The following FAT4 variants were observed in gnomAD, a reference collection of about 807,000 sequenced individuals.
FAT4 encodes the protein protocadherin Fat 4.
A neutral mutation model predicts 303.9 loss-of-function variants in FAT4; 84 were observed. The ratio of observed to expected loss-of-function variants is 0.28; its 90% CI spans 0.23 to 0.33. FAT4 has a LOEUF of 0.33. Among genes scored for constraint, FAT4 ranks in the 10% least tolerant of loss-of-function variants. The probability of loss-of-function intolerance (pLI) is 1.00; values close to 1 mark genes in which losing one functional copy is unlikely to be tolerated. For missense variants in FAT4, 6,005 were observed against 6,146.8 expected, an observed-to-expected ratio of 0.98 and a Z score of 0.77; for synonymous variants, 2,307 against 2,298.8, an observed-to-expected ratio of 1.00 and a Z score of -0.10.
At chr4:125,479,909 T>A (rs756660013) in intron 15 of FAT4, 44 bp downstream of exon 15, 1 of 1,455,048 alleles carries the variant, frequency 6.9e-7, no homozygotes, top group East Asian at 2.3e-5. Flanking sequence ...TTAATAACTA[T>A]GAAAAGTAAA....
At chr4:125,382,147 A>C (rs1477650875) in intron 2 of FAT4, among the ~76,000 whole-genome samples, 1 of 152,194 alleles carries the variant, frequency 6.6e-6, no homozygotes, top group Non-Finnish European at 1.5e-5. Flanking sequence ...ACTCCTGTTG[A>C]CGTTGGTATT....
intron 2 of FAT4, among the ~76,000 whole-genome samples, chr4:125,384,916 C>A (rs572026753): frequency 6.7e-6 from 1 of 150,126 alleles, no homozygotes; most frequent in Admixed American, 6.7e-5. Context: ...TAACACTACT[C>A]AGTAACAAAA....
At chr4:125,325,751 G>A (rs1488568262) in intron 2 of FAT4, among the ~76,000 whole-genome samples, 5 of 152,170 alleles carry the variant, frequency 3.3e-5, no homozygotes, top group East Asian at 1.9e-4. Context: ...CTTTTTAAAT[G>A]AAATAGTTTT....
intron 7 of FAT4, among the ~76,000 whole-genome samples, chr4:125,420,004 C>T (rs1333627563): frequency 6.6e-6 from 1 of 152,190 alleles, no homozygotes; most frequent in African/African-American, 2.4e-5. Flanking sequence ...TTCTATTCTA[C>T]AGCGAGCTGT....
Position 125,490,808 on chromosome 4 carries a change from A to T in FAT4, c.13992A>T (p.Gln4664His), listed in dbSNP as rs1727604276. ...ACAGTCCCCTAGGCTTTGCAAGGCA[A>T]TCCCCCATGCCCTTAGGAGCAAGCA... is the stretch of plus-strand genomic sequence containing the variant. ...QRHSPLGFAR[Q>H]SPMPLGASSL... The change falls in exon 18 of 18, where the codon CAA becomes CAT. Residue 4664 changes from glutamine (Q) to histidine (H), a missense_variant. Transcript: ENST00000394329. 6.2e-7 allele frequency: 1 copy of T among 1,614,150 alleles called. No individual in the cohort carries two copies. Among genetic ancestry groups the T allele is most frequent in the Non-Finnish European group, 8.5e-7 (1 of 1,180,034 alleles).
At chr4:125,443,547 T>C (rs983498491) in intron 8 of FAT4, among the ~76,000 whole-genome samples, 1 of 152,208 alleles carries the variant, frequency 6.6e-6, no homozygotes, top group Non-Finnish European at 1.5e-5. Context: ...TTAGTCTCTG[T>C]TAGATTCAGA....
chr4:125,413,100 A>G (rs1381045613), intron 5 of FAT4, among the ~76,000 whole-genome samples: 1 of 151,838 alleles, frequency 6.6e-6, no homozygotes. Context: ...GTAAATATAT[A>G]TACACACACA....
rs1397199406 is a variant in FAT4 at position 125,320,500 on chromosome 4, T to C, written c.4089T>C (p.Phe1363=). 6.2e-7 allele frequency: 1 copy of C among 1,614,006 alleles called. No individual in the cohort carries two copies. The highest frequency in any genetic ancestry group is 8.5e-7 in the Non-Finnish European group (1 of 1,180,008). ...SITGTNNHGT[F]SISPNTGSIF... is the part of the protein sequence containing the mutation. ...CTGGGACTAACAACCACGGAACTTTTAGCATTAGCCCAAACACTGGGAGTA... is the reference window on the plus strand; with the variant it reads ...CTGGGACTAACAACCACGGAACTTTCAGCATTAGCCCAAACACTGGGAGTA... Residue 1363 remains phenylalanine, a synonymous_variant, in exon 2 of 18, where the codon TTT becomes TTC. Transcript: ENST00000394329.
In FAT4 at chr4:125,448,626, C is replaced by T. The variant is rs761295009; in HGVS notation, c.7616C>T (p.Ser2539Phe). The T allele has an allele frequency of 3.1e-6, 5 of 1,613,910 alleles. No homozygotes were observed. The highest frequency in any genetic ancestry group is 4.2e-6 in the Non-Finnish European group (5 of 1,179,904). The change falls in exon 10 of 18, where the codon TCT (serine) becomes TTT (phenylalanine). Residue 2539 changes from serine (S) to phenylalanine (F), a missense_variant. Coordinates refer to ENST00000394329, the MANE Select transcript of FAT4 (RefSeq NM_001291303.3). The stretch of plus-strand genomic sequence containing the variant: ...AACGGAGCTTCAGAAGTGACATTTT[C>T]TGTGCATGTAAAAGATGGTGGCTCA... ...PLNGASEVTF[S>F]VHVKDGGSFP...
rs763392849 is a variant in FAT4, at chr4:125,487,475, C to G, written c.12953C>G (p.Thr4318Arg). The G allele has an allele frequency of 1.2e-6, 2 of 1,614,068 alleles. No individual in the cohort carries two copies. The highest frequency in any genetic ancestry group is 1.7e-6 in the Non-Finnish European group (2 of 1,179,978). ...CTAATTGGGAAAAATGGAACAGCAA[C>G]AGTATTGTCTGTTGACAGAATATAT... ...TFLIGKNGTA[T>R]VLSVDRIYNR... The change falls in exon 17 of 18, where the codon ACA becomes AGA. Residue 4318 changes from threonine (T) to arginine (R), a missense_variant. Transcript: ENST00000394329.
At chr4:125,402,271 T>C (rs896821200) in intron 3 of FAT4, among the ~76,000 whole-genome samples, 6 of 151,966 alleles carry the variant, frequency 3.9e-5, no homozygotes, top group South Asian at 2.1e-4. Context: ...TTTTTGTTTC[T>C]TTTCTTTACC....
intron 12 of FAT4, among the ~76,000 whole-genome samples, chr4:125,470,040 T>C (rs1276656609): frequency 6.6e-6 from 1 of 152,212 alleles, no homozygotes; most frequent in Non-Finnish European, 1.5e-5. Flanking sequence ...CTGGATGCTG[T>C]GTTAGCAAGC....
chr4:125,466,777 C>A lies in FAT4; in HGVS notation c.11906-1735C>A, dbSNP rs1364759447. Reference sequence around the variant, plus strand: ...AAAAATTAAAAATTATGTATAATTTCTTTTTTTTTTTTTTTGAGACGGAGT... The same window carrying A: ...AAAAATTAAAAATTATGTATAATTTATTTTTTTTTTTTTTTGAGACGGAGT... On this transcript the variant is annotated intron_variant, in intron 11 of 17. Coordinates refer to ENST00000394329, the MANE Select transcript of FAT4 (RefSeq NM_001291303.3). 1.2e-4 allele frequency among the ~76,000 whole-genome samples: 17 copies of A among 139,592 alleles called. No homozygotes were observed. In the Admixed American group the frequency reaches 1.2e-3, roughly 10 times the overall value. The allele number at this position is 139,592 out of a possible 152,430, so 91.6% of individuals were successfully genotyped here.
chr4:125,450,133 G>A lies in FAT4; in HGVS notation c.9123G>A (p.Gly3041=). The change falls in exon 10 of 18, where the codon GGG becomes GGA. Residue 3041 remains glycine, a synonymous_variant. Transcript: ENST00000394329. Reference sequence around the variant, plus strand: ...AATTTAAGTTGGACAATGATACGGGGTGGATTTCAGTAGCATCCTCCCTGA... The same window carrying A: ...AATTTAAGTTGGACAATGATACGGGATGGATTTCAGTAGCATCCTCCCTGA... The part of the protein sequence containing the change: ...LGKFKLDNDT[G]WISVASSLIS... The A allele has an allele frequency of 1.2e-6, 2 of 1,613,726 alleles. No homozygotes were observed. Among genetic ancestry groups the A allele is most frequent in the South Asian group, 2.2e-5 (2 of 91,076 alleles).
chr4:125,322,066 A>G (rs1730978086), intron 2 of FAT4, among the ~76,000 whole-genome samples: 2 of 152,194 alleles, frequency 1.3e-5, no homozygotes, highest in Admixed American at 1.3e-4. Flanking sequence ...CCAGGACAGT[A>G]TTAACTTTCA....
chr4:125,424,428 C>G (rs1389998728), intron 7 of FAT4, among the ~76,000 whole-genome samples: 1 of 152,116 alleles, frequency 6.6e-6, no homozygotes, highest in Admixed American at 6.6e-5. Context: ...CTGATTCTGC[C>G]ACGATTATAA....
At chr4:125,332,775 A>G (rs112603022) in intron 2 of FAT4, among the ~76,000 whole-genome samples, 173 of 152,268 alleles carry the variant, frequency 1.1e-3, no homozygotes, top group African/African-American at 3.7e-3. Context: ...CTATCTTTCG[A>G]AACTACTCTT....
chr4:125,449,826 A>G lies in FAT4; in HGVS notation c.8816A>G (p.Asn2939Ser). The stretch of plus-strand genomic sequence containing the variant: ...AATAAACAGATCTTAAAATACCAAA[A>G]TGTCACTGGCTTCAGTAATGTGAAT... ...IFNKQILKYQ[N>S]VTGFSNVNIN... The change falls in exon 10 of 18, where the codon AAT becomes AGT. Residue 2939 changes from asparagine to serine, a missense_variant. Coordinates refer to ENST00000394329, the MANE Select transcript of FAT4 (RefSeq NM_001291303.3). The G allele has an allele frequency of 1.9e-6, 3 of 1,613,868 alleles. No individual in the cohort carries two copies. Among genetic ancestry groups the G allele is most frequent in the Non-Finnish European group, 2.5e-6 (3 of 1,179,868 alleles).
intron 7 of FAT4, 134 bp from the exon 8 acceptor site, chr4:125,434,111 A>G (rs1725366763): frequency 1.4e-6 from 1 of 705,528 alleles, no homozygotes; most frequent in Non-Finnish European, 2.3e-6. Flanking sequence ...AAATCACTCA[A>G]TCACTTATGT....
Sources: gnomAD v4.1 joint callset for allele counts (sites outside exome capture counted in the v4.1 genomes callset) on GRCh38, gnomAD v4.1.1 for gene constraint, MANE v1.5 for transcripts, NCBI Gene and HGNC (gene_info 2026-07-23, HGNC 2026-07-21) for gene names.